The following XKR6 variants were observed in gnomAD, a reference collection of about 807,000 sequenced individuals.
The protein encoded by XKR6 is XK related 6, also known as XK-related protein 6.
XKR6 carries 22 observed loss-of-function variants against 56.7 expected under a neutral mutation model. The observed-to-expected ratio is 0.39, with a 90% CI of 0.28 to 0.55. XKR6 has a LOEUF of 0.55. XKR6 is among the 20% of genes least tolerant of loss of function. The pLI, the probability that XKR6 is intolerant of heterozygous loss-of-function variation, is 0.66. For synonymous variants in XKR6, 524 were observed against 387.8 expected (o/e 1.35, Z -4.13); for missense variants, 852 against 889.0 (o/e 0.96, Z 0.53).
intron 1 of XKR6, among the ~76,000 whole-genome samples, chr8:10,956,960 CT>C (rs906759249): frequency 4.0e-5 from 6 of 151,820 alleles, no homozygotes; most frequent in Non-Finnish European, 7.4e-5. Flanking sequence ...GTATTTTTTT[CT>C]TTTTTTTGAG....
At chr8:11,023,236 T>C (rs1798786740) in intron 1 of XKR6, among the ~76,000 whole-genome samples, 2 of 152,216 alleles carry the variant, frequency 1.3e-5, no homozygotes, top group Non-Finnish European at 1.5e-5. Flanking sequence ...CACCCAGGGC[T>C]GCTCCCAGAG....
chr8:11,000,341 C>T (rs142078603), intron 1 of XKR6, among the ~76,000 whole-genome samples: 1 of 152,304 alleles, frequency 6.6e-6, no homozygotes, highest in African/African-American at 2.4e-5. Flanking sequence ...AGTAGCAATG[C>T]ATCATAATAT....
At chr8:11,019,614 T>C (rs1390748175) in intron 1 of XKR6, among the ~76,000 whole-genome samples, 1 of 152,142 alleles carries the variant, frequency 6.6e-6, no homozygotes, top group African/African-American at 2.4e-5. Context: ...GGCCCCAGTT[T>C]CCACCTAGAG....
At chr8:11,070,202 C>T (rs1800081326) in intron 1 of XKR6, among the ~76,000 whole-genome samples, 1 of 152,168 alleles carries the variant, frequency 6.6e-6, no homozygotes, top group Admixed American at 6.5e-5. Context: ...GTCTCCAGGA[C>T]TGTCACTACT....
intron 1 of XKR6, among the ~76,000 whole-genome samples, chr8:10,985,153 G>T (rs1402851715): frequency 6.6e-6 from 1 of 151,948 alleles, no homozygotes. Flanking sequence ...CGGTTTTGCT[G>T]TGTCCCCACC....
chr8:11,194,089 C>T (rs1023127520), intron 1 of XKR6, among the ~76,000 whole-genome samples: 2 of 152,090 alleles, frequency 1.3e-5, no homozygotes, highest in African/African-American at 2.4e-5. Flanking sequence ...AACTCTACTC[C>T]GAATCAGCAC....
At chr8:10,927,970 TC>T (rs1329910365) in intron 1 of XKR6, among the ~76,000 whole-genome samples, 1 of 152,186 alleles carries the variant, frequency 6.6e-6, no homozygotes, top group African/African-American at 2.4e-5. Context: ...GCCCAGGAGT[TC>T]CTGACAGCCA....
At chr8:11,040,395 G>A (rs955905253) in intron 1 of XKR6, among the ~76,000 whole-genome samples, 2 of 151,868 alleles carry the variant, frequency 1.3e-5, no homozygotes, top group Non-Finnish European at 2.9e-5. Context: ...AGCCAAACAG[G>A]GTGGCACCCA....
intron 1 of XKR6, among the ~76,000 whole-genome samples, chr8:11,032,578 G>A (rs1799017859): frequency 6.6e-6 from 1 of 152,208 alleles, no homozygotes; most frequent in African/African-American, 2.4e-5. Flanking sequence ...CTGGCACAAG[G>A]CAGGGCTGTA....
At chr8:11,114,190 G>C (rs1306620215) in intron 1 of XKR6, 1 of 351,484 alleles carries the variant, frequency 2.8e-6, no homozygotes, top group Admixed American at 4.2e-5. Context: ...TTTTATCACA[G>C]AAAAATGAAA....
At chr8:11,015,931 C>G (rs1238990501) in intron 1 of XKR6, among the ~76,000 whole-genome samples, 1 of 152,252 alleles carries the variant, frequency 6.6e-6, no homozygotes, top group South Asian at 2.1e-4. Flanking sequence ...TGTCCAAGTC[C>G]CGACTCCTGC....
At chr8:11,125,497 T>A (rs531249043) in intron 1 of XKR6, among the ~76,000 whole-genome samples, 18 of 152,222 alleles carry the variant, frequency 1.2e-4, no homozygotes, top group African/African-American at 4.3e-4. Context: ...GCAGGAAACA[T>A]ACAGAATTGT....
At chr8:11,024,633 G>A (rs1798821369) in intron 1 of XKR6, among the ~76,000 whole-genome samples, 2 of 152,150 alleles carry the variant, frequency 1.3e-5, no homozygotes. Context: ...ATGCCCATGA[G>A]GCCGAATCAC....
At chr8:11,143,769 T>C (rs563116812) in intron 1 of XKR6, among the ~76,000 whole-genome samples, 5 of 152,302 alleles carry the variant, frequency 3.3e-5, no homozygotes, top group South Asian at 4.1e-4. Context: ...GGATTCACTT[T>C]ACAATAATCC....
chr8:11,014,489 G>C (rs1310104063), intron 1 of XKR6, among the ~76,000 whole-genome samples: 2 of 152,180 alleles, frequency 1.3e-5, no homozygotes, highest in Non-Finnish European at 2.9e-5. Context: ...CTTCCAGTAA[G>C]GTTGGAGCCT....
intron 1 of XKR6, among the ~76,000 whole-genome samples, chr8:11,126,370 T>C (rs932764899): frequency 8.5e-5 from 13 of 152,160 alleles, no homozygotes; most frequent in African/African-American, 3.1e-4. Context: ...CCGGCCTACT[T>C]TGGCGTTTTT....
At chr8:11,168,589 C>T (rs1396196991) in intron 1 of XKR6, among the ~76,000 whole-genome samples, 1 of 152,158 alleles carries the variant, frequency 6.6e-6, no homozygotes, top group Non-Finnish European at 1.5e-5. Context: ...AAGCAGAACA[C>T]ACATTCTTCT....
In XKR6 at chr8:11,008,054, G is replaced by T. The variant is rs533748990; in HGVS notation, c.765-83224C>A. On this transcript the variant is annotated intron_variant, in intron 1 of 2. Coordinates refer to ENST00000416569, the MANE Select transcript of XKR6 (RefSeq NM_173683.4). ...TTTTTTTTGACTGTAGCATTCAGGC[G>T]TTCACACAGGGGCAAGGCAGTGAAG... Among the ~76,000 whole-genome samples the T allele has an allele frequency of 1.3e-3, 191 of 152,262 alleles. 1 individual carries two copies. The highest frequency in any genetic ancestry group is 1.8e-3 in the Non-Finnish European group (123 of 68,022).
intron 1 of XKR6, chr8:11,035,089 G>A: frequency 2.3e-6 from 1 of 435,942 alleles, no homozygotes; most frequent in East Asian, 7.1e-5. Flanking sequence ...TTCCTCATCT[G>A]TAAAATGGGG....
Sources: allele counts gnomAD v4.1 joint callset (sites outside exome capture counted in the v4.1 genomes callset), GRCh38; gene constraint gnomAD v4.1.1; transcripts MANE v1.5; gene names NCBI Gene and HGNC (gene_info 2026-07-23, HGNC 2026-07-21).